TEAD1: variants seen among roughly 807,000 people sequenced by gnomAD.
TEAD1 encodes TEA domain transcription factor 1, also known as transcriptional enhancer factor TEF-1.
In TEAD1, 9 loss-of-function variants were observed where a neutral mutation model predicts 54.9. The ratio of observed to expected loss-of-function variants is 0.16; its 90% CI spans 0.10 to 0.29. TEAD1 has a LOEUF of 0.29. Among genes scored for constraint, TEAD1 ranks in the 10% least tolerant of loss-of-function variants. The pLI is 1.00. For missense variants in TEAD1, 387 were observed against 535.9 expected (o/e 0.72, Z 2.74); for synonymous variants, 200 against 187.8 (o/e 1.07, Z -0.53).
At chr11:12,814,502 T>G (rs1192564313) in intron 3 of TEAD1, among the ~76,000 whole-genome samples, 2 of 152,130 alleles carry the variant, frequency 1.3e-5, no homozygotes, top group East Asian at 3.9e-4. Context: ...GGAAGGCACC[T>G]TTGGCTTTAG....
At chr11:12,763,741 T>C (rs1945147968) in intron 2 of TEAD1, among the ~76,000 whole-genome samples, 1 of 152,226 alleles carries the variant, frequency 6.6e-6, no homozygotes, top group Non-Finnish European at 1.5e-5. Context: ...GGAGATTTGA[T>C]GATCATTTAG....
chr11:12,821,961 CTTTTTTTTTT>C (rs10700151), intron 3 of TEAD1, among the ~76,000 whole-genome samples: 1 of 68,068 alleles, frequency 1.5e-5, no homozygotes, highest in South Asian at 6.1e-4. Context: ...TTCTCTTTTC[CTTTTTTTTTT>C]TTTTTTTTTT....
intron 3 of TEAD1, among the ~76,000 whole-genome samples, chr11:12,855,397 C>CT (rs1564964935): frequency 6.6e-6 from 1 of 151,882 alleles, no homozygotes; most frequent in Admixed American, 6.6e-5. Flanking sequence ...TCAAGCGACT[C>CT]TCCTGCCTCA....
At chr11:12,713,363 C>T (rs749394312) in intron 2 of TEAD1, among the ~76,000 whole-genome samples, 31 of 152,218 alleles carry the variant, frequency 2.0e-4, no homozygotes, top group Admixed American at 1.2e-3. Flanking sequence ...CCCGTGCCCA[C>T]ATTGGGGATT....
chr11:12,745,734 C>G (rs749182513), intron 2 of TEAD1, among the ~76,000 whole-genome samples: 7 of 151,538 alleles, frequency 4.6e-5, no homozygotes, highest in Non-Finnish European at 8.8e-5. Context: ...TTTTCCCCAT[C>G]AAAATTAATT....
At chr11:12,734,692 T>G (rs1004972003) in intron 2 of TEAD1, among the ~76,000 whole-genome samples, 9 of 152,238 alleles carry the variant, frequency 5.9e-5, no homozygotes, top group Non-Finnish European at 1.3e-4. Flanking sequence ...GCCTACAGTA[T>G]TCAGTATAGT....
chr11:12,742,850 A>G (rs1338055698), intron 2 of TEAD1, among the ~76,000 whole-genome samples: 5 of 152,236 alleles, frequency 3.3e-5, no homozygotes, highest in African/African-American at 1.2e-4. Flanking sequence ...ATCTATTAGA[A>G]TCTCAGTGAT....
chr11:12,864,178 TA>T (rs1195496700), intron 4 of TEAD1, among the ~76,000 whole-genome samples: 3 of 152,176 alleles, frequency 2.0e-5, no homozygotes, highest in African/African-American at 7.2e-5. Flanking sequence ...CCAGAGCTCT[TA>T]ATGAGATCAG....
At chr11:12,691,741 A>G (rs772584117) in intron 2 of TEAD1, among the ~76,000 whole-genome samples, 79 of 152,254 alleles carry the variant, frequency 5.2e-4, no homozygotes, top group Non-Finnish European at 1.0e-4. Flanking sequence ...TCTGCCTGAT[A>G]GTTTGTTCTA....
At chr11:12,928,511 C>T (rs1948945264) in intron 11 of TEAD1, among the ~76,000 whole-genome samples, 1 of 152,098 alleles carries the variant, frequency 6.6e-6, no homozygotes, top group African/African-American at 2.4e-5. Context: ...CTCAAGCGAT[C>T]TGCCTACCTC....
At chr11:12,923,409 C>T (rs1035466399) in intron 10 of TEAD1, among the ~76,000 whole-genome samples, 1 of 152,146 alleles carries the variant, frequency 6.6e-6, no homozygotes, top group African/African-American at 2.4e-5. Context: ...CGTTTGTGCT[C>T]GTGTCCCCCC....
intron 3 of TEAD1, among the ~76,000 whole-genome samples, chr11:12,771,648 T>A (rs555309440): frequency 6.6e-6 from 1 of 152,258 alleles, no homozygotes; most frequent in East Asian, 1.9e-4. Context: ...TGGATGACCA[T>A]CCAGATGGAG....
chr11:12,739,198 TTCTATCTA>T (rs374577439), intron 2 of TEAD1, among the ~76,000 whole-genome samples: 7 of 146,858 alleles, frequency 4.8e-5, no homozygotes, highest in African/African-American at 1.8e-4. Flanking sequence ...GTCTCATTCT[TTCTATCTA>T]TCTATCTATC....
rs1392963857 is a variant in TEAD1 at position 12,777,438 on chromosome 11, A to G, written c.202+13004A>G. Among the ~76,000 whole-genome samples, 8 of 152,180 alleles carry G rather than the reference A, an allele frequency of 5.3e-5. No individual in the cohort carries two copies. The South Asian group carries it at 1.2e-3, about 24-fold the overall frequency. On this transcript the variant is annotated intron_variant, in intron 3 of 12. Coordinates refer to ENST00000527636, the MANE Select transcript of TEAD1 (RefSeq NM_021961.6). ...TATTTTGTTGAGACGGGCTTTGGCA[A>G]CTGTCTCTTAGATGAATGGTTCTAT...
At position 12,764,403 on chromosome 11, in the gene TEAD1, A is replaced by G. The variant is rs1208437323; in HGVS notation, c.171A>G (p.Lys57=). 6.2e-7 allele frequency: 1 copy of G among 1,614,024 alleles called. No individual in the cohort carries two copies. Among genetic ancestry groups the G allele is most frequent in the Non-Finnish European group, 8.5e-7 (1 of 1,180,032 alleles). The change falls in exon 3 of 13, where the codon AAA becomes AAG. Residue 57 remains lysine, a synonymous_variant. Coordinates refer to ENST00000527636, the MANE Select transcript of TEAD1 (RefSeq NM_021961.6). ...TCTATCCACCATGTGGGAGGAGGAA[A>G]ATCATCTTATCAGACGAAGGCAAAA...
chr11:12,898,134 TCTTC>T (rs982651900), intron 9 of TEAD1, among the ~76,000 whole-genome samples: 1 of 152,130 alleles, frequency 6.6e-6, no homozygotes, highest in Admixed American at 6.5e-5. Context: ...ACACAAGGTC[TCTTC>T]CTTCCTTCCT....
At chr11:12,785,272 G>A (rs1021587317) in intron 3 of TEAD1, among the ~76,000 whole-genome samples, 6 of 152,136 alleles carry the variant, frequency 3.9e-5, no homozygotes, top group Admixed American at 1.3e-4. Context: ...GATCAGCCCA[G>A]CCTCCTCAGT....
intron 2 of TEAD1, among the ~76,000 whole-genome samples, chr11:12,733,999 A>T (rs1249593346): frequency 1.3e-5 from 2 of 152,196 alleles, no homozygotes; most frequent in African/African-American, 4.8e-5. Context: ...AGCTTATTGC[A>T]GCCTTGAACT....
intron 10 of TEAD1, among the ~76,000 whole-genome samples, chr11:12,910,726 T>C (rs1271699041): frequency 6.6e-6 from 1 of 151,448 alleles, no homozygotes; most frequent in Non-Finnish European, 1.5e-5. Context: ...AACAATACTG[T>C]CTACATAGTT....
Sources: allele counts gnomAD v4.1 joint callset (sites outside exome capture counted in the v4.1 genomes callset), GRCh38; gene constraint gnomAD v4.1.1; transcripts MANE v1.5; gene names NCBI Gene and HGNC (gene_info 2026-07-23, HGNC 2026-07-21).